The following RTTN variants were observed in gnomAD, a reference collection of about 807,000 sequenced individuals.
RTTN encodes the protein rotatin.
In RTTN, 182 loss-of-function variants were observed where a neutral mutation model predicts 269.2. The ratio of observed to expected loss-of-function variants is 0.68; its 90% CI spans 0.60 to 0.76. The LOEUF (loss-of-function observed/expected upper bound fraction) is 0.76, where lower values mean the gene tolerates loss of function less well. RTTN is among the 30% of genes least tolerant of loss of function. The pLI, the probability that RTTN is intolerant of heterozygous loss-of-function variation, is 0.00. For synonymous variants in RTTN, 1,006 were observed against 963.5 expected, an observed-to-expected ratio of 1.04 and a Z score of -0.82; for missense variants, 2,545 against 2,608.6, an observed-to-expected ratio of 0.98 and a Z score of 0.53.
At chr18:70,112,421 C>T (rs1037130124) in intron 27 of RTTN, among the ~76,000 whole-genome samples, 1 of 88,478 alleles carries the variant, frequency 1.1e-5, no homozygotes, top group Admixed American at 1.8e-4. Context: ...ATCTCACATG[C>T]AAAAAACACA....
At position 70,205,647 on chromosome 18, in the gene RTTN, T is replaced by C. The variant is rs1186597170; in HGVS notation, c.12A>G (p.Ala4=). 5.0e-6 allele frequency: 8 copies of C among 1,614,008 alleles called. No homozygotes were observed. The highest frequency in any genetic ancestry group is 6.8e-6 in the Non-Finnish European group (8 of 1,180,036). The stretch of plus-strand genomic sequence containing the variant: ...AGTTACCGAGTTTCCTGATGAGCCC[T>C]GCCAGGACCATCTCGTCCCGTCAAT... MVL[A]GLIRKLGHQL... Residue 4 remains alanine, a synonymous_variant, in exon 1 of 49, where the codon GCA becomes GCG. Coordinates refer to ENST00000640769, the MANE Select transcript of RTTN (RefSeq NM_173630.4).
intron 9 of RTTN, 96 bp downstream of exon 9, chr18:70,190,442 A>C: frequency 1.4e-6 from 1 of 735,780 alleles, no homozygotes; most frequent in Non-Finnish European, 2.2e-6. Context: ...TACAGATTCC[A>C]AAGGCCCTAA....
chr18:70,089,628 C>G (rs144435019), intron 30 of RTTN, among the ~76,000 whole-genome samples: 1 of 152,226 alleles, frequency 6.6e-6, no homozygotes, highest in Non-Finnish European at 1.5e-5. Context: ...GAAACGTAGA[C>G]ATGGGTAATT....
intron 40 of RTTN, among the ~76,000 whole-genome samples, chr18:70,045,790 GA>G: frequency 6.6e-6 from 1 of 152,234 alleles, no homozygotes; most frequent in African/African-American, 2.4e-5. Flanking sequence ...CAAAGAGTAT[GA>G]TTTATTAGGA....
chr18:70,044,215 C>T (rs1001325567), intron 40 of RTTN, among the ~76,000 whole-genome samples: 5 of 152,168 alleles, frequency 3.3e-5, no homozygotes, highest in Admixed American at 3.3e-4. Flanking sequence ...TTCCTTTCAA[C>T]AGATTTACCC....
In RTTN at chr18:70,092,137, A is replaced by T. The variant is rs1219701927; in HGVS notation, c.4116T>A (p.Ile1372=). The T allele has an allele frequency of 6.2e-7, 1 of 1,612,778 alleles. No homozygotes were observed. Among genetic ancestry groups the T allele is most frequent in the Non-Finnish European group, 8.5e-7 (1 of 1,179,012 alleles). The change falls in exon 30 of 49, where the codon ATT becomes ATA. Residue 1372 remains isoleucine, a synonymous_variant. Coordinates refer to ENST00000640769, the MANE Select transcript of RTTN (RefSeq NM_173630.4). ...CTGGGTCCCGATCAACCCATAATGG[A>T]ATCAACCAAGCCAATCCTTGTTGAG... ...IPTQQGLAWL[I]PLWVDRDPEV...
At chr18:70,136,754 C>T (rs995203717) in intron 21 of RTTN, among the ~76,000 whole-genome samples, 1 of 151,988 alleles carries the variant, frequency 6.6e-6, no homozygotes, top group African/African-American at 2.4e-5. Context: ...GGAACTTAAC[C>T]ATTATCTTAT....
intron 45 of RTTN, 26 bp from the exon 46 acceptor site, chr18:70,017,700 T>C: frequency 1.3e-6 from 2 of 1,570,322 alleles, no homozygotes; most frequent in Non-Finnish European, 1.7e-6. Context: ...GAGAATATTA[T>C]TTTCTTCTCA....
rs1326444070 is a variant in RTTN at position 70,134,429 on chromosome 18, C to G, written c.2954+44G>C. The G allele has an allele frequency of 6.0e-5, 82 of 1,357,056 alleles. No homozygotes were observed. In the East Asian group the frequency reaches 1.9e-3, roughly 31 times the overall value. The allele number at this position is 1,357,056 out of a possible 1,614,324, so 84.1% of individuals were successfully genotyped here. A position where few individuals can be genotyped will look rare whatever the true frequency, so the allele number is the denominator to read the frequency against. ...TAGATTTTGATTTCCCTTTCTGTAA[C>G]AACATTTCGTCCTTCAAGAAAATCA... On this transcript the variant is annotated intron_variant, in intron 23 of 48. Transcript: ENST00000640769.
intron 13 of RTTN, 65 bp downstream of exon 13, chr18:70,166,854 T>C: frequency 1.9e-6 from 2 of 1,059,022 alleles, no homozygotes; most frequent in Non-Finnish European, 2.8e-6. Context: ...TTTCACTGTT[T>C]CTAAGTTTAC....
At chr18:70,103,844 T>C (rs900305283) in intron 28 of RTTN, among the ~76,000 whole-genome samples, 2 of 152,052 alleles carry the variant, frequency 1.3e-5, no homozygotes, top group African/African-American at 4.8e-5. Flanking sequence ...ATAGAGTTTC[T>C]GCCGAGAGAT....
chr18:70,159,698 A>G (rs2060776392), intron 14 of RTTN, among the ~76,000 whole-genome samples: 1 of 152,152 alleles, frequency 6.6e-6, no homozygotes, highest in South Asian at 2.1e-4. Flanking sequence ...ATTAATAAAG[A>G]AAAAAAGAGA....
At chr18:70,011,165 T>C (rs1306094500) in intron 46 of RTTN, among the ~76,000 whole-genome samples, 2 of 152,082 alleles carry the variant, frequency 1.3e-5, no homozygotes, top group African/African-American at 4.8e-5. Flanking sequence ...GCATACAAAG[T>C]GGAGCTGGTA....
In RTTN at chr18:70,205,144, A is replaced by T. The variant is rs1187804659; in HGVS notation, c.203T>A (p.Leu68Ter). Residue 68 changes from leucine to a stop codon, truncating the protein, a stop_gained, in exon 2 of 49, where the codon TTA (leucine) becomes TAA (stop). Coordinates refer to ENST00000640769, the MANE Select transcript of RTTN (RefSeq NM_173630.4). LOFTEE classifies it high-confidence loss of function. The stretch of plus-strand genomic sequence containing the variant: ...TGACCCTACCTTAACCAATCTGCTT[A>T]ACAGGTTCAGAACCTCTTCCTTCAT... ...VPMKEEVLNL[L>*]SRLVKYPPAV... The T allele has an allele frequency of 6.2e-7, 1 of 1,614,230 alleles. No individual in the cohort carries two copies. Among genetic ancestry groups the T allele is most frequent in the Non-Finnish European group, 8.5e-7 (1 of 1,180,034 alleles).
chr18:70,070,934 G>A (rs113719321), intron 34 of RTTN, among the ~76,000 whole-genome samples: 1,892 of 152,218 alleles, frequency 0.012, 23 homozygotes, highest in South Asian at 0.039. Context: ...AAAGAGAAGG[G>A]GATAATATTG....
rs151325734 is a variant in RTTN, at chr18:70,132,087, T to C, written c.2954+2386A>G. Among the ~76,000 whole-genome samples, 212 of 152,182 alleles carry C rather than the reference T, an allele frequency of 1.4e-3. 1 individual carries two copies. Among genetic ancestry groups the C allele is most frequent in the African/African-American group, 4.6e-3 (190 of 41,540 alleles). ...GAGTGAATTCTATATGATGAAGCAC[T>C]GCTAGAGATAAAGAAATAATTTCAT... is the stretch of plus-strand genomic sequence containing the variant. On this transcript the variant is annotated intron_variant, in intron 23 of 48. Coordinates refer to ENST00000640769, the MANE Select transcript of RTTN (RefSeq NM_173630.4).
Position 70,054,145 on chromosome 18 carries a change from G to C in RTTN, c.5171C>G (p.Thr1724Ser), listed in dbSNP as rs1834671906. The C allele has an allele frequency of 2.5e-6, 4 of 1,612,556 alleles. No homozygotes were observed. The South Asian group carries it at 3.3e-5, about 13-fold the overall frequency. Residue 1724 changes from threonine to serine, a missense_variant, in exon 38 of 49, where the codon ACC (threonine) becomes AGC (serine). Transcript: ENST00000640769. The stretch of plus-strand genomic sequence containing the variant: ...ATTAAGCTTACCTAATACATCTTTG[G>C]TACATATGGTGAGAATTCCAATGAT... ...TNIIGILTIC[T>S]KDVLDKELIS... is the part of the protein sequence containing the mutation.
chr18:70,145,540 T>A (rs1318631406), intron 18 of RTTN, 72 bp downstream of exon 18: 1 of 1,180,540 alleles, frequency 8.5e-7, no homozygotes, highest in Non-Finnish European at 1.2e-6. Context: ...AACTGAAGAA[T>A]GTCACATAAA....
intron 28 of RTTN, among the ~76,000 whole-genome samples, chr18:70,107,666 A>C (rs139543058): frequency 1.3e-5 from 2 of 152,370 alleles, no homozygotes; most frequent in African/African-American, 4.8e-5. Flanking sequence ...CTAAACTAAA[A>C]GTAGAAGGAG....
Sources: gnomAD v4.1 joint callset for allele counts (sites outside exome capture counted in the v4.1 genomes callset) on GRCh38, gnomAD v4.1.1 for gene constraint, MANE v1.5 for transcripts, NCBI Gene and HGNC (gene_info 2026-07-23, HGNC 2026-07-21) for gene names.